PHACTR1: variants seen among roughly 807,000 people sequenced by gnomAD.
PHACTR1 encodes the protein RPEL repeat containing 1.
A neutral mutation model predicts 69.2 loss-of-function variants in PHACTR1; 16 were observed. That is an observed-to-expected ratio of 0.23 (90% CI 0.16 to 0.35). PHACTR1 has a LOEUF of 0.35. Ranked by LOEUF, PHACTR1 falls within the 10% of genes least tolerant of loss-of-function variation. The pLI is 1.00. For synonymous variants in PHACTR1, 312 were observed against 284.5 expected (o/e 1.10, Z -0.97); for missense variants, 510 against 734.7 (o/e 0.69, Z 3.54).
At chr6:13,265,398 G>A (rs1210574614) in intron 10 of PHACTR1, among the ~76,000 whole-genome samples, 1 of 152,180 alleles carries the variant, frequency 6.6e-6, no homozygotes, top group African/African-American at 2.4e-5. Flanking sequence ...ATGGCAGCTG[G>A]GGTACACCGG....
intron 4 of PHACTR1, among the ~76,000 whole-genome samples, chr6:12,988,328 T>G (rs146000692): frequency 2.6e-5 from 4 of 152,370 alleles, no homozygotes; most frequent in African/African-American, 9.6e-5. Context: ...CAAAGTGTTA[T>G]GTGGCACGAA....
intron 4 of PHACTR1, among the ~76,000 whole-genome samples, chr6:12,944,777 A>ATTATTTTTTTTTT (rs1790434144): frequency 7.4e-6 from 1 of 135,764 alleles, no homozygotes; most frequent in African/African-American, 2.9e-5. Flanking sequence ...TTATTTATTT[A>ATTATTTTTTTTTT]TTTTTATTTA....
chr6:12,938,431 C>T (rs146776810), intron 4 of PHACTR1, among the ~76,000 whole-genome samples: 87 of 152,234 alleles, frequency 5.7e-4, no homozygotes, highest in Middle Eastern at 6.8e-3. Context: ...CCCGTGCACA[C>T]CATCAGCAAT....
At chr6:13,064,819 G>T (rs1270078088) in intron 5 of PHACTR1, among the ~76,000 whole-genome samples, 2 of 150,526 alleles carry the variant, frequency 1.3e-5, no homozygotes, top group Non-Finnish European at 3.0e-5. Context: ...TGGGCTCAAG[G>T]AACGCAAAAA....
At chr6:13,044,739 A>G (rs1408430301) in intron 4 of PHACTR1, among the ~76,000 whole-genome samples, 1 of 152,024 alleles carries the variant, frequency 6.6e-6, no homozygotes, top group Non-Finnish European at 1.5e-5. Context: ...GTTTCGTAAT[A>G]TTTTTCCCCT....
intron 5 of PHACTR1, among the ~76,000 whole-genome samples, chr6:13,101,086 A>G (rs1815082584): frequency 6.6e-6 from 1 of 152,246 alleles, no homozygotes; most frequent in South Asian, 2.1e-4. Context: ...ACAGAATACC[A>G]GAATACCACA....
chr6:13,093,502 C>CT (rs1721446802), intron 5 of PHACTR1, among the ~76,000 whole-genome samples: 1 of 152,174 alleles, frequency 6.6e-6, no homozygotes, highest in South Asian at 2.1e-4. Context: ...GCATGCTACT[C>CT]TAACACTGGG....
Position 12,850,945 on chromosome 6 carries a change from G to A in PHACTR1, c.250+101155G>A, listed in dbSNP as rs150653845. On this transcript the variant is annotated intron_variant, in intron 4 of 14. Transcript: ENST00000332995. ...TTTCCAAATAAGATCACATTCCAAG[G>A]TACGGGAATTCAGGACTTCAATATG... 7.1e-3 allele frequency among the ~76,000 whole-genome samples: 1,076 copies of A among 152,178 alleles called. 19 individuals carry two copies. The highest frequency in any genetic ancestry group is 0.025 in the African/African-American group (1,027 of 41,502).
chr6:13,153,293 G>T (rs1299675383), intron 5 of PHACTR1, among the ~76,000 whole-genome samples: 3 of 152,186 alleles, frequency 2.0e-5, no homozygotes, highest in Admixed American at 2.0e-4. Context: ...GGCAGAGTTT[G>T]AAGGCAAGTT....
intron 5 of PHACTR1, among the ~76,000 whole-genome samples, chr6:13,126,185 A>G (rs1561865854): frequency 6.6e-6 from 1 of 152,198 alleles, no homozygotes; most frequent in Non-Finnish European, 1.5e-5. Flanking sequence ...GTGTGTGTAA[A>G]TTAGAATTTA....
intron 4 of PHACTR1, among the ~76,000 whole-genome samples, chr6:12,825,238 C>T (rs993362260): frequency 1.3e-5 from 2 of 151,482 alleles, no homozygotes; most frequent in Non-Finnish European, 2.9e-5. Context: ...GCTTGAGCCC[C>T]GGAGTTCAAG....
intron 6 of PHACTR1, among the ~76,000 whole-genome samples, chr6:13,164,237 CG>C (rs1032303096): frequency 3.9e-5 from 6 of 152,180 alleles, no homozygotes; most frequent in South Asian, 4.2e-4. Flanking sequence ...ATCTGAGATT[CG>C]GGGGGTAAAG....
At chr6:12,757,572 C>G (rs1364322640) in intron 4 of PHACTR1, among the ~76,000 whole-genome samples, 1 of 152,006 alleles carries the variant, frequency 6.6e-6, no homozygotes, top group South Asian at 2.1e-4. Context: ...GGCTCATCAG[C>G]GTGGTACAGC....
At chr6:12,769,888 A>T (rs570591719) in intron 4 of PHACTR1, among the ~76,000 whole-genome samples, 132 of 152,356 alleles carry the variant, frequency 8.7e-4, no homozygotes, top group Middle Eastern at 3.4e-3. Flanking sequence ...TGGCTGAAGC[A>T]ATTTGTCCCA....
At chr6:13,087,621 T>C (rs370960248) in intron 5 of PHACTR1, among the ~76,000 whole-genome samples, 4 of 151,594 alleles carry the variant, frequency 2.6e-5, no homozygotes, top group African/African-American at 7.3e-5. Flanking sequence ...AAAGAAACAA[T>C]ATTAGGAAAT....
chr6:13,184,109 G>C (rs200620353), intron 7 of PHACTR1, among the ~76,000 whole-genome samples: 1 of 152,234 alleles, frequency 6.6e-6, no homozygotes, highest in East Asian at 1.9e-4. Flanking sequence ...GAGCTGGTGG[G>C]GGCAGGATGC....
chr6:13,210,057 T>C (rs1340227771), intron 8 of PHACTR1, among the ~76,000 whole-genome samples: 3 of 152,172 alleles, frequency 2.0e-5, no homozygotes, highest in East Asian at 1.9e-4. Flanking sequence ...ACCCAGGCTG[T>C]AGTGCAGTGG....
At chr6:12,930,589 G>T (rs978064493) in intron 4 of PHACTR1, among the ~76,000 whole-genome samples, 4 of 152,208 alleles carry the variant, frequency 2.6e-5, no homozygotes, top group Non-Finnish European at 5.9e-5. Context: ...GAGAGCACAG[G>T]AGCCTGAATC....
chr6:13,053,310 C>A, intron 4 of PHACTR1, 55 bp from the exon 5 acceptor site: 1 of 1,497,070 alleles, frequency 6.7e-7, no homozygotes, highest in East Asian at 2.4e-5. Flanking sequence ...GTGAGGCTCC[C>A]ATTTTAACAC....
Sources: allele counts gnomAD v4.1 joint callset (sites outside exome capture counted in the v4.1 genomes callset), GRCh38; gene constraint gnomAD v4.1.1; transcripts MANE v1.5; gene names NCBI Gene and HGNC (gene_info 2026-07-23, HGNC 2026-07-21).